METTL15: variants seen among roughly 807,000 people sequenced by gnomAD.
METTL15 encodes methyltransferase 15, mitochondrial 12S rRNA N4-cytidine, also known as 12S rRNA N(4)-cytidine methyltransferase METTL15.
In METTL15, 34 loss-of-function variants were observed where a neutral mutation model predicts 38.3. The ratio of observed to expected loss-of-function variants is 0.89; its 90% CI spans 0.68 to 1.18. The LOEUF (loss-of-function observed/expected upper bound fraction) is 1.18, where lower values mean the gene tolerates loss of function less well. METTL15 is among the 50% of genes most tolerant of loss of function. The pLI is 0.00. For synonymous variants in METTL15, 162 were observed against 170.9 expected (o/e 0.95, Z 0.41); for missense variants, 438 against 498.4 (o/e 0.88, Z 1.15).
chr11:28,471,685 A>G (rs1851304366), intron 6 of METTL15, among the ~76,000 whole-genome samples: 2 of 152,104 alleles, frequency 1.3e-5, no homozygotes, highest in Admixed American at 6.6e-5. Context: ...ATATAATGCA[A>G]GCTTCTCTGA....
At chr11:28,129,141 A>G (rs974658446) in intron 3 of METTL15, among the ~76,000 whole-genome samples, 1 of 152,220 alleles carries the variant, frequency 6.6e-6, no homozygotes, top group African/African-American at 2.4e-5. Flanking sequence ...GTTAGCTTAC[A>G]AAGGTATTCC....
At position 28,181,731 on chromosome 11, in the gene METTL15, G is replaced by A. The variant is rs188165917; in HGVS notation, c.271-29331G>A. Among the ~76,000 whole-genome samples the A allele has an allele frequency of 2.0e-5, 3 of 152,090 alleles. No individual in the cohort carries two copies. The East Asian group carries it at 5.8e-4, about 29-fold the overall frequency. On this transcript the variant is annotated intron_variant, in intron 3 of 6. Transcript: ENST00000407364. The stretch of plus-strand genomic sequence containing the variant: ...GCAATAAACATACGTGTGTGCATGT[G>A]TCTTTATAGTAGAATGATTTATAAT...
chr11:28,241,878 G>T (rs1024231466), intron 4 of METTL15, among the ~76,000 whole-genome samples: 5 of 152,200 alleles, frequency 3.3e-5, no homozygotes, highest in Non-Finnish European at 5.9e-5. Context: ...GTGCTCAGAT[G>T]ACAGATCATG....
At chr11:28,218,485 A>C (rs903344296) in intron 4 of METTL15, among the ~76,000 whole-genome samples, 2 of 152,198 alleles carry the variant, frequency 1.3e-5, no homozygotes, top group Non-Finnish European at 2.9e-5. Context: ...TTCTAGATAT[A>C]CAATCATGTC....
At chr11:28,126,991 A>G (rs1051970049) in intron 3 of METTL15, among the ~76,000 whole-genome samples, 3 of 152,122 alleles carry the variant, frequency 2.0e-5, no homozygotes, top group Non-Finnish European at 4.4e-5. Context: ...GAGGAAAGGG[A>G]ACATGTACAA....
intron 5 of METTL15, among the ~76,000 whole-genome samples, chr11:28,421,426 A>G (rs1452085116): frequency 6.6e-6 from 1 of 152,086 alleles, no homozygotes; most frequent in Non-Finnish European, 1.5e-5. Context: ...CTATAGTTCA[A>G]TATCTCTGAT....
At chr11:28,235,792 C>T (rs1853931181) in intron 4 of METTL15, among the ~76,000 whole-genome samples, 1 of 152,146 alleles carries the variant, frequency 6.6e-6, no homozygotes, top group Admixed American at 6.5e-5. Context: ...ATTGAATACC[C>T]TTTATTTCCT....
At chr11:28,109,209 T>A (rs945603429) in intron 1 of METTL15, among the ~76,000 whole-genome samples, 2 of 152,224 alleles carry the variant, frequency 1.3e-5, no homozygotes, top group Non-Finnish European at 2.9e-5. Flanking sequence ...TATTGTGTAC[T>A]GTATGTGATG....
intron 4 of METTL15, among the ~76,000 whole-genome samples, chr11:28,223,903 A>G (rs1054474756): frequency 2.0e-5 from 3 of 152,078 alleles, no homozygotes; most frequent in African/African-American, 7.2e-5. Context: ...GACAATTTTA[A>G]AAATCAAAGT....
At chr11:28,302,641 C>A (rs1309983229) in intron 6 of METTL15, among the ~76,000 whole-genome samples, 2 of 152,078 alleles carry the variant, frequency 1.3e-5, no homozygotes, top group African/African-American at 2.4e-5. Flanking sequence ...AACTGTAAGT[C>A]CAATTAAACC....
At position 28,288,058 on chromosome 11, in the gene METTL15, G is replaced by T. The variant is rs547248077; in HGVS notation, c.408-2148G>T. The stretch of plus-strand genomic sequence containing the variant: ...ACTTGCATGCAGCCAATAAACATAT[G>T]AAAAAAGCTCAACATCACTGATCAT... On this transcript the variant is annotated intron_variant, in intron 4 of 6. Coordinates refer to ENST00000407364, the MANE Select transcript of METTL15 (RefSeq NM_001113528.2). Among the ~76,000 whole-genome samples the T allele has an allele frequency of 2.6e-5, 4 of 152,136 alleles. No homozygotes were observed. The East Asian group carries it at 7.7e-4, about 29-fold the overall frequency.
chr11:28,339,371 C>G (rs1156572581), intron 3 of METTL15, among the ~76,000 whole-genome samples: 1 of 151,704 alleles, frequency 6.6e-6, no homozygotes, highest in Non-Finnish European at 1.5e-5. Context: ...AAGCTGAAAA[C>G]TATAAAAAAT....
At chr11:28,380,853 T>C (rs1008463471) in intron 5 of METTL15, among the ~76,000 whole-genome samples, 3 of 152,066 alleles carry the variant, frequency 2.0e-5, no homozygotes, top group African/African-American at 7.2e-5. Flanking sequence ...TTTTTTTTCA[T>C]TTCAGCACTT....
At chr11:28,233,401 A>G (rs1460991240) in intron 4 of METTL15, among the ~76,000 whole-genome samples, 1 of 152,054 alleles carries the variant, frequency 6.6e-6, no homozygotes, top group Non-Finnish European at 1.5e-5. Context: ...GTTTATGTAA[A>G]CCATTAGCTT....
intron 3 of METTL15, among the ~76,000 whole-genome samples, chr11:28,164,667 A>G (rs1445087289): frequency 6.6e-6 from 1 of 152,102 alleles, no homozygotes; most frequent in Non-Finnish European, 1.5e-5. Flanking sequence ...TTATGGTAAG[A>G]CATTTGAAAT....
chr11:28,302,016 C>T (rs910696820), intron 6 of METTL15, among the ~76,000 whole-genome samples: 1 of 152,092 alleles, frequency 6.6e-6, no homozygotes, highest in African/African-American at 2.4e-5. Flanking sequence ...TCAAGCTGTC[C>T]TCCTGACTCA....
chr11:28,194,057 T>C (rs1469019340), intron 3 of METTL15, among the ~76,000 whole-genome samples: 1 of 152,066 alleles, frequency 6.6e-6, no homozygotes, highest in African/African-American at 2.4e-5. Flanking sequence ...GTCTCCAAAA[T>C]AGCTCTGTCA....
At chr11:28,387,266 G>A (rs1018983089) in intron 5 of METTL15, among the ~76,000 whole-genome samples, 2 of 151,668 alleles carry the variant, frequency 1.3e-5, no homozygotes, top group African/African-American at 4.8e-5. Flanking sequence ...ATGAAACTGA[G>A]TGCTGTTTTG....
chr11:28,216,858 A>G (rs2133852544), intron 4 of METTL15, among the ~76,000 whole-genome samples: 1 of 150,774 alleles, frequency 6.6e-6, no homozygotes, highest in East Asian at 2.0e-4. Context: ...GATGGTTTCC[A>G]GCCTCATCCA....
Sources: allele counts gnomAD v4.1 joint callset (sites outside exome capture counted in the v4.1 genomes callset), GRCh38; gene constraint gnomAD v4.1.1; transcripts MANE v1.5; gene names NCBI Gene and HGNC (gene_info 2026-07-23, HGNC 2026-07-21).